DOCK3: variants seen among roughly 807,000 people sequenced by gnomAD.
The protein encoded by DOCK3 is dedicator of cytokinesis 3, also known as dedicator of cytokinesis protein 3.
In DOCK3, 60 loss-of-function variants were observed where a neutral mutation model predicts 265.6. That is an observed-to-expected ratio of 0.23 (90% CI 0.18 to 0.28). The LOEUF (loss-of-function observed/expected upper bound fraction) is 0.28, where lower values mean the gene tolerates loss of function less well. DOCK3 is among the 10% of genes least tolerant of loss of function. The probability of loss-of-function intolerance (pLI) is 1.00; values close to 1 mark genes in which losing one functional copy is unlikely to be tolerated. For missense variants in DOCK3, 1,981 were observed against 2,594.3 expected (o/e 0.76, Z 5.14); for synonymous variants, 881 against 938.0 (o/e 0.94, Z 1.11).
intron 12 of DOCK3, among the ~76,000 whole-genome samples, chr3:51,164,611 G>A (rs372132021): frequency 1.8e-5 from 2 of 113,562 alleles, no homozygotes; most frequent in Admixed American, 1.1e-4. Context: ...GTGACAGAGC[G>A]AGACTCCGTC....
intron 2 of DOCK3, among the ~76,000 whole-genome samples, chr3:50,828,269 C>A (rs978100925): frequency 2.6e-5 from 4 of 152,016 alleles, no homozygotes; most frequent in African/African-American, 9.7e-5. Context: ...TAAATTTGTT[C>A]TTTTACCACT....
chr3:50,774,409 G>T (rs1275656853), intron 1 of DOCK3, among the ~76,000 whole-genome samples: 5 of 151,906 alleles, frequency 3.3e-5, no homozygotes, highest in African/African-American at 1.2e-4. Flanking sequence ...AGCTTCTTGT[G>T]TAGAGTTCTT....
chr3:51,310,200 GGT>G, intron 27 of DOCK3, 30 bp from the exon 28 acceptor site: 1 of 1,542,016 alleles, frequency 6.5e-7, no homozygotes, highest in African/African-American at 1.4e-5. Flanking sequence ...TTGTGGTGGT[GGT>G]GTCTCACATC....
intron 5 of DOCK3, among the ~76,000 whole-genome samples, chr3:50,946,520 G>T (rs2076432317): frequency 1.3e-5 from 2 of 152,196 alleles, no homozygotes; most frequent in Non-Finnish European, 2.9e-5. Flanking sequence ...AGACACCCTA[G>T]TGGCTATCCA....
chr3:51,068,697 T>C (rs1018683737), intron 6 of DOCK3, among the ~76,000 whole-genome samples: 3 of 152,132 alleles, frequency 2.0e-5, no homozygotes, highest in African/African-American at 7.2e-5. Flanking sequence ...CTAGAACTGA[T>C]CCCAAAGCCC....
intron 4 of DOCK3, among the ~76,000 whole-genome samples, chr3:50,932,780 T>C (rs2051142165): frequency 1.3e-5 from 2 of 152,208 alleles, no homozygotes; most frequent in African/African-American, 4.8e-5. Flanking sequence ...TTGCATGTAT[T>C]GGGCCTTGAC....
At chr3:51,234,619 G>A (rs2078276999) in intron 19 of DOCK3, among the ~76,000 whole-genome samples, 1 of 152,118 alleles carries the variant, frequency 6.6e-6, no homozygotes, top group South Asian at 2.1e-4. Flanking sequence ...CTACTCTCCT[G>A]ATTTTAAGAA....
rs184721902 is a variant in DOCK3, at chr3:51,352,128, A to G, written c.4107+1736A>G. ...AAGAAGTAGAAGCAATTGTACAAGA[A>G]CTAGAAACCAAAAGCATTTCCAGAA... is the stretch of plus-strand genomic sequence containing the variant. On this transcript the variant is annotated intron_variant, in intron 40 of 52. Transcript: ENST00000266037. Among the ~76,000 whole-genome samples, 14 of 152,338 alleles carry G rather than the reference A, an allele frequency of 9.2e-5. 1 individual carries two copies. Among genetic ancestry groups the G allele is most frequent in the South Asian group, 6.2e-4 (3 of 4,830 alleles).
chr3:50,975,464 A>G (rs1277715266), intron 5 of DOCK3, among the ~76,000 whole-genome samples: 4 of 150,698 alleles, frequency 2.7e-5, no homozygotes, highest in African/African-American at 7.3e-5. Flanking sequence ...GGTATATTGA[A>G]CCAGCCTTGC....
At chr3:50,952,518 A>G (rs970710832) in intron 5 of DOCK3, among the ~76,000 whole-genome samples, 2 of 152,218 alleles carry the variant, frequency 1.3e-5, no homozygotes, top group Non-Finnish European at 2.9e-5. Flanking sequence ...TAGAAATACC[A>G]TATATTTTCA....
At chr3:51,021,184 T>C (rs1213183068) in intron 5 of DOCK3, among the ~76,000 whole-genome samples, 3 of 151,688 alleles carry the variant, frequency 2.0e-5, no homozygotes, top group Non-Finnish European at 4.4e-5. Context: ...GGTCCTTCAA[T>C]TTTCCAACCT....
chr3:50,885,478 C>G (rs1322660274), intron 3 of DOCK3, among the ~76,000 whole-genome samples: 2 of 151,322 alleles, frequency 1.3e-5, no homozygotes, highest in Non-Finnish European at 2.9e-5. Context: ...TATGAAACTG[C>G]CAGTGTCTTT....
At chr3:50,890,946 G>A (rs767626413) in intron 4 of DOCK3, among the ~76,000 whole-genome samples, 3 of 152,072 alleles carry the variant, frequency 2.0e-5, no homozygotes, top group East Asian at 3.8e-4. Flanking sequence ...TGGCCTACAC[G>A]TTAATAATGG....
intron 5 of DOCK3, among the ~76,000 whole-genome samples, chr3:50,973,096 G>T (rs1408134065): frequency 1.3e-3 from 17 of 12,660 alleles, no homozygotes; most frequent in Non-Finnish European, 2.3e-3. Flanking sequence ...TTTTATTTTT[G>T]CAGACTTAAA....
At chr3:51,072,049 C>T (rs1276654526) in intron 6 of DOCK3, among the ~76,000 whole-genome samples, 1 of 152,178 alleles carries the variant, frequency 6.6e-6, no homozygotes, top group African/African-American at 2.4e-5. Context: ...CTAAAAGATA[C>T]TGTGCTCTGG....
intron 23 of DOCK3, among the ~76,000 whole-genome samples, chr3:51,262,497 A>G (rs530968089): frequency 1.3e-5 from 2 of 152,328 alleles, no homozygotes; most frequent in South Asian, 4.1e-4. Flanking sequence ...CCAAAAAACC[A>G]GAACGCCTCT....
rs1253796243 is a variant in DOCK3, at chr3:51,381,872, G to A, written c.*313G>A. On this transcript the variant is annotated 3_prime_UTR_variant, in exon 53 of 53. Coordinates refer to ENST00000266037, the MANE Select transcript of DOCK3 (RefSeq NM_004947.5). The surrounding 1 kb of genome is among the most constrained non-coding windows in gnomAD (Gnocchi z 5.6). Reference sequence around the variant, plus strand: ...TCTGGACCATGTGGAGCTACATGGAGAAATTGCACAGACAGAATCACTTTG... The same window carrying A: ...TCTGGACCATGTGGAGCTACATGGAAAAATTGCACAGACAGAATCACTTTG... 3.7e-6 allele frequency: 1 copy of A among 271,332 alleles called. No homozygotes were observed. Among genetic ancestry groups the A allele is most frequent in the African/African-American group, 2.2e-5 (1 of 45,348 alleles). The allele number at this position is 271,332 out of a possible 1,614,324, so 16.8% of individuals were successfully genotyped here.
chr3:50,922,566 G>A (rs1474355392), intron 4 of DOCK3, among the ~76,000 whole-genome samples: 4 of 152,214 alleles, frequency 2.6e-5, no homozygotes, highest in Non-Finnish European at 4.4e-5. Flanking sequence ...GCCCCAGTGA[G>A]ATGAACCCGG....
chr3:51,065,324 A>G (rs528931704), intron 6 of DOCK3, among the ~76,000 whole-genome samples: 1 of 152,296 alleles, frequency 6.6e-6, no homozygotes, highest in East Asian at 1.9e-4. Flanking sequence ...CCTTAAGTAT[A>G]TTTATATGTG....
Sources: allele counts gnomAD v4.1 joint callset (sites outside exome capture counted in the v4.1 genomes callset), GRCh38; gene constraint gnomAD v4.1.1; non-coding constraint Gnocchi (gnomAD v3.1); transcripts MANE v1.5; gene names NCBI Gene and HGNC (gene_info 2026-07-23, HGNC 2026-07-21).